The following SVOP variants were observed in gnomAD, a reference collection of about 807,000 sequenced individuals.
SVOP encodes synaptic vesicle 2-related protein.
Under a neutral mutation model 69.1 loss-of-function variants are expected in SVOP, and 17 were observed. The ratio of observed to expected loss-of-function variants is 0.25; its 90% confidence interval spans 0.17 to 0.37. The LOEUF (loss-of-function observed/expected upper bound fraction) is 0.37. Among genes scored for constraint, SVOP ranks in the 10% least tolerant of loss-of-function variants. The pLI, the probability that SVOP is intolerant of heterozygous loss-of-function variation, is 1.00. For synonymous variants in SVOP, 238 were observed against 238.6 expected (o/e 1.00, Z 0.02); for missense variants, 435 against 597.5 (o/e 0.73, Z 2.84).
Position 109,020,854 on chromosome 12 carries a change from T to G in SVOP, c.15A>C (p.Leu5Phe). The G allele has an allele frequency of 1.5e-6, 1 of 687,912 alleles. No homozygotes were observed. Among genetic ancestry groups the G allele is most frequent in the Non-Finnish European group, 2.7e-6 (1 of 368,052 alleles). The allele number at this position is 687,912 out of a possible 1,614,324, so 42.6% of individuals were successfully genotyped here. Residue 5 changes from leucine to phenylalanine, a missense_variant, in exon 1 of 16, where the codon TTA (leucine) becomes TTC (phenylalanine). Physicochemically the swap from Leu to Phe is conservative, Grantham distance 22. Transcript: ENST00000610966. MEED[L>F]FQLRQLPVVK... Reference sequence around the variant, plus strand: ...CTCACGGCAGCTGCCTTAGCTGGAATAAGTCCTCCTCCATGTCCGCGCTGC... The same window carrying G: ...CTCACGGCAGCTGCCTTAGCTGGAAGAAGTCCTCCTCCATGTCCGCGCTGC...
chr12:108,932,404 C>T (rs757320974), intron 11 of SVOP, among the ~76,000 whole-genome samples: 1 of 152,062 alleles, frequency 6.6e-6, no homozygotes, highest in Non-Finnish European at 1.5e-5. Flanking sequence ...CACACCACTG[C>T]TCTCCAGCCT....
Position 108,932,928 on chromosome 12 carries a change from G to C in SVOP, c.1048+1267C>G, listed in dbSNP as rs377281155. On this transcript the variant is annotated intron_variant, in intron 11 of 15. Coordinates refer to ENST00000610966, the MANE Select transcript of SVOP (RefSeq NM_018711.5). ...GAATCTCACTCTGTCGCCTAGGCTGGAGTGCAGTGGTGCAATCTCTGCTCA... is the reference window on the plus strand; with the variant it reads ...GAATCTCACTCTGTCGCCTAGGCTGCAGTGCAGTGGTGCAATCTCTGCTCA... Among the ~76,000 whole-genome samples, 5 of 152,166 alleles carry C rather than the reference G, an allele frequency of 3.3e-5. No individual in the cohort carries two copies. In the East Asian group the frequency reaches 7.7e-4, roughly 23 times the overall value.
intron 14 of SVOP, among the ~76,000 whole-genome samples, chr12:108,916,113 G>T (rs1305120616): frequency 1.3e-5 from 2 of 149,192 alleles, no homozygotes; most frequent in African/African-American, 2.6e-5. Flanking sequence ...ACTCTGTCCT[G>T]GGGGGGGCTC....
rs766618397 is a variant in SVOP at position 108,938,788 on chromosome 12, G to A, written c.897+39C>T. 7 of 1,613,386 alleles carry A rather than the reference G, an allele frequency of 4.3e-6. No homozygotes were observed. The Admixed American group carries it at 5.0e-5, about 12-fold the overall frequency. On this transcript the variant is annotated intron_variant, in intron 9 of 15. Coordinates refer to ENST00000610966, the MANE Select transcript of SVOP (RefSeq NM_018711.5). ...GCACACACTCCCCTGCATGCACCCC[G>A]ATACGCACATTGCAGAGTCTATTGG...
chr12:109,014,547 A>G (rs910678946), intron 1 of SVOP, among the ~76,000 whole-genome samples: 3 of 152,176 alleles, frequency 2.0e-5, no homozygotes, highest in Non-Finnish European at 4.4e-5. Context: ...ATTATTTTGC[A>G]TCTATAACCA....
intron 1 of SVOP, among the ~76,000 whole-genome samples, chr12:108,990,022 A>T (rs1157875910): frequency 2.6e-5 from 4 of 152,196 alleles, no homozygotes; most frequent in Non-Finnish European, 5.9e-5. Flanking sequence ...AGGTTACAGC[A>T]GTTGCCCTAG....
At chr12:108,927,513 C>A (rs1373632415) in intron 11 of SVOP, among the ~76,000 whole-genome samples, 1 of 152,060 alleles carries the variant, frequency 6.6e-6, no homozygotes, top group Non-Finnish European at 1.5e-5. Context: ...CAAATATAAG[C>A]CCACAGGGCA....
chr12:108,912,213 C>A lies in SVOP; in HGVS notation c.*322G>T, dbSNP rs1490214821. 2.5e-6 allele frequency: 3 copies of A among 1,204,760 alleles called. No homozygotes were observed. The highest frequency in any genetic ancestry group is 3.1e-6 in the Non-Finnish European group (3 of 964,474). 74.6% of individuals were successfully genotyped at this position (1,204,760 alleles called of 1,614,324 possible). On this transcript the variant is annotated 3_prime_UTR_variant, in exon 16 of 16. Transcript: ENST00000610966. ...TTTGGTTGTTCACTGAGGGTTTGGCCGGGTGACTCTGGGTGGTGTCTGATT... is the reference window on the plus strand; with the variant it reads ...TTTGGTTGTTCACTGAGGGTTTGGCAGGGTGACTCTGGGTGGTGTCTGATT...
intron 10 of SVOP, 81 bp from the exon 11 acceptor site, chr12:108,934,352 A>T: frequency 8.4e-7 from 1 of 1,196,310 alleles, no homozygotes. Context: ...GGAAGGGCCA[A>T]TGTCTACAGC....
At chr12:108,922,836 CAG>C (rs1433216233) in intron 11 of SVOP, 39 bp from the exon 12 acceptor site, 8 of 1,445,658 alleles carry the variant, frequency 5.5e-6, no homozygotes, top group Non-Finnish European at 7.6e-6. Context: ...GAGACATATA[CAG>C]AGTCTTGAAT....
At chr12:109,007,036 T>C (rs1050940821) in intron 1 of SVOP, among the ~76,000 whole-genome samples, 10 of 152,064 alleles carry the variant, frequency 6.6e-5, no homozygotes, top group African/African-American at 2.4e-4. Context: ...GGGCTGAGGC[T>C]TTTGTTAAAT....
chr12:108,995,975 T>C (rs985229914), intron 1 of SVOP, among the ~76,000 whole-genome samples: 4 of 151,220 alleles, frequency 2.6e-5, no homozygotes, highest in Admixed American at 1.3e-4. Flanking sequence ...CACACACACA[T>C]ACATACATAC....
chr12:108,980,376 G>T (rs950503391), intron 2 of SVOP, among the ~76,000 whole-genome samples: 1 of 151,940 alleles, frequency 6.6e-6, no homozygotes, highest in Non-Finnish European at 1.5e-5. Context: ...CTGGGTAAAG[G>T]GTATGTGAGA....
Position 108,947,143 on chromosome 12 carries a change from T to C in SVOP, c.579-1977A>G, listed in dbSNP as rs575159147. On this transcript the variant is annotated intron_variant, in intron 6 of 15. Coordinates refer to ENST00000610966, the MANE Select transcript of SVOP (RefSeq NM_018711.5). ...ATTCCTTGAGGTCTTCCCTATTTTC[T>C]AGCACAAGATATTCAGCTCATCTTA... Among the ~76,000 whole-genome samples, 9 of 152,306 alleles carry C rather than the reference T, an allele frequency of 5.9e-5. No individual in the cohort carries two copies. In the South Asian group the frequency reaches 6.2e-4, roughly 11 times the overall value.
rs574517101 is a variant in SVOP at position 108,971,897 on chromosome 12, T to C, written c.453+508A>G. Among the ~76,000 whole-genome samples the C allele has an allele frequency of 8.6e-5, 13 of 151,964 alleles. No homozygotes were observed. In the South Asian group the frequency reaches 2.7e-3, roughly 32 times the overall value. Reference sequence around the variant, plus strand: ...GGTGAAATCCCATTTCTACAAAAAATACAAAAATGAGCTGGGTGTATTGGC... The same window carrying C: ...GGTGAAATCCCATTTCTACAAAAAACACAAAAATGAGCTGGGTGTATTGGC... On this transcript the variant is annotated intron_variant, in intron 5 of 15. Coordinates refer to ENST00000610966, the MANE Select transcript of SVOP (RefSeq NM_018711.5).
chr12:108,933,212 A>G (rs1156636929), intron 11 of SVOP, among the ~76,000 whole-genome samples: 1 of 152,104 alleles, frequency 6.6e-6, no homozygotes, highest in African/African-American at 2.4e-5. Context: ...ATAAATAAAT[A>G]AATAAGTAAA....
intron 1 of SVOP, among the ~76,000 whole-genome samples, chr12:109,013,827 C>T (rs192096984): frequency 6.6e-6 from 1 of 152,160 alleles, no homozygotes; most frequent in Non-Finnish European, 1.5e-5. Context: ...CATTAAACAC[C>T]AACTCCCCAT....
chr12:108,996,711 G>A (rs117370025), intron 1 of SVOP, among the ~76,000 whole-genome samples: 4,454 of 152,028 alleles, frequency 0.029, 118 homozygotes, highest in South Asian at 0.069. Flanking sequence ...CTGGAAGATC[G>A]CTTGAGCCCA....
Position 108,912,306 on chromosome 12 carries a change from A to C in SVOP, c.*229T>G. The C allele has an allele frequency of 2.8e-6, 4 of 1,415,244 alleles. No homozygotes were observed. The South Asian group carries it at 6.3e-5, about 22-fold the overall frequency. 87.7% of individuals were successfully genotyped at this position (1,415,244 alleles called of 1,614,324 possible). A position where few individuals can be genotyped will look rare whatever the true frequency, so the allele number is the denominator to read the frequency against. On this transcript the variant is annotated 3_prime_UTR_variant, in exon 16 of 16. Transcript: ENST00000610966. ...CCATGTAGATCCACAGGTTATGAAC[A>C]AAGCTTTCACCACATATACAGAGAA...
Sources: allele counts gnomAD v4.1 joint callset (sites outside exome capture counted in the v4.1 genomes callset), GRCh38; gene constraint gnomAD v4.1.1; transcripts MANE v1.5; gene names NCBI Gene and HGNC (gene_info 2026-07-23, HGNC 2026-07-21).